CSDE1: variants seen among roughly 807,000 people sequenced by gnomAD.
The protein encoded by CSDE1 is cold shock domain-containing protein E1.
CSDE1 carries 17 observed loss-of-function variants against 89.3 expected under a neutral mutation model. The observed-to-expected ratio is 0.19, with a 90% CI of 0.13 to 0.29. The LOEUF (loss-of-function observed/expected upper bound fraction) is 0.29, where lower values mean the gene tolerates loss of function less well. Ranked by LOEUF, CSDE1 falls within the 10% of genes least tolerant of loss-of-function variation. The pLI is 1.00. For synonymous variants in CSDE1, 322 were observed against 332.8 expected (o/e 0.97, Z 0.35); for missense variants, 672 against 984.2 (o/e 0.68, Z 4.24).
At chr1:114,723,653 C>T (rs931193529) in intron 16 of CSDE1, among the ~76,000 whole-genome samples, 1 of 152,174 alleles carries the variant, frequency 6.6e-6, no homozygotes, top group African/African-American at 2.4e-5. Flanking sequence ...CATAGTTGCT[C>T]ATGTATCAGT....
At chr1:114,751,592 C>G (rs1175813662) in intron 1 of CSDE1, among the ~76,000 whole-genome samples, 1 of 152,064 alleles carries the variant, frequency 6.6e-6, no homozygotes, top group Non-Finnish European at 1.5e-5. Flanking sequence ...TCAAATGTTA[C>G]ATACACTTGT....
At chr1:114,735,522 C>A (rs889070388) in intron 6 of CSDE1, among the ~76,000 whole-genome samples, 3 of 152,168 alleles carry the variant, frequency 2.0e-5, no homozygotes, top group African/African-American at 7.2e-5. Context: ...AAGAAACTTA[C>A]CAGGTAAGGC....
intron 1 of CSDE1, among the ~76,000 whole-genome samples, chr1:114,753,655 G>C (rs936360746): frequency 3.3e-5 from 5 of 152,162 alleles, no homozygotes; most frequent in Admixed American, 2.0e-4. Flanking sequence ...GGTGGCTCTC[G>C]CTTGTAATCC....
intron 12 of CSDE1, among the ~76,000 whole-genome samples, chr1:114,728,700 A>C (rs1313264773): frequency 6.6e-6 from 1 of 152,226 alleles, no homozygotes; most frequent in African/African-American, 2.4e-5. Context: ...CATCTGTCAC[A>C]TGCGAAATTC....
At chr1:114,733,910 A>C in intron 8 of CSDE1, 53 bp from the exon 9 acceptor site, 2 of 1,607,996 alleles carry the variant, frequency 1.2e-6, no homozygotes, top group Non-Finnish European at 1.7e-6. Context: ...GAAGAATCAC[A>C]TAATTTTAAG....
At chr1:114,730,853 C>A (rs1409713693) in intron 10 of CSDE1, among the ~76,000 whole-genome samples, 1 of 152,228 alleles carries the variant, frequency 6.6e-6, no homozygotes, top group South Asian at 2.1e-4. Context: ...CTAAGACTCT[C>A]CAATTGCTAC....
intron 14 of CSDE1, among the ~76,000 whole-genome samples, chr1:114,725,789 C>T (rs959246639): frequency 1.3e-5 from 2 of 152,164 alleles, no homozygotes; most frequent in Non-Finnish European, 2.9e-5. Flanking sequence ...GTATGCACCA[C>T]CATGTCAGGC....
chr1:114,725,208 C>T lies in CSDE1; in HGVS notation c.1753+13G>A. 1.9e-6 allele frequency: 3 copies of T among 1,607,914 alleles called. No individual in the cohort carries two copies. The highest frequency in any genetic ancestry group is 2.6e-6 in the Non-Finnish European group (3 of 1,174,336). ...TAAAAGCACAGGCTGAATAAGAAGT[C>T]ACAATTTATTACCTGAGTGTGTTTT... On this transcript the variant is annotated intron_variant, in intron 15 of 19. Coordinates refer to ENST00000358528, the MANE Select transcript of CSDE1 (RefSeq NM_001007553.3).
At chr1:114,727,737 T>C (rs1425930350) in intron 12 of CSDE1, 1 of 152,170 alleles carries the variant, frequency 6.6e-6, no homozygotes, top group African/African-American at 2.4e-5. Flanking sequence ...CTGAAGGTAG[T>C]GGGTTATCTC....
intron 1 of CSDE1, among the ~76,000 whole-genome samples, chr1:114,755,457 A>G (rs1661540939): frequency 6.6e-6 from 1 of 152,246 alleles, no homozygotes; most frequent in Non-Finnish European, 1.5e-5. Flanking sequence ...GGAAACTGAT[A>G]ATTTTCAGCC....
At position 114,734,067 on chromosome 1, in the gene CSDE1, A is replaced by G. The variant is rs771748755; in HGVS notation, c.633T>C (p.Phe211=). The G allele has an allele frequency of 2.5e-6, 4 of 1,613,048 alleles. No homozygotes were observed. In the African/African-American group the frequency reaches 5.3e-5, roughly 22 times the overall value. ...AGTCACCCTTAAATTCACTATAGTG[A>G]AAGAATATCTCTTTTACAACATCAC... ...ERGDVVKEIF[F]HYSEFKGDLE... The change falls in exon 8 of 20, where the codon TTT becomes TTC. Residue 211 remains phenylalanine, a synonymous_variant. Coordinates refer to ENST00000358528, the MANE Select transcript of CSDE1 (RefSeq NM_001007553.3).
rs1659287328 is a variant in CSDE1 at position 114,718,079 on chromosome 1, G to C, written c.*90C>G. ...AATAGAATAAGTATTCCAGATTTCGGGAGGGATGAAGAGGGAGATATTCAG... is the reference window on the plus strand; with the variant it reads ...AATAGAATAAGTATTCCAGATTTCGCGAGGGATGAAGAGGGAGATATTCAG... On this transcript the variant is annotated 3_prime_UTR_variant, in exon 20 of 20. Coordinates refer to ENST00000358528, the MANE Select transcript of CSDE1 (RefSeq NM_001007553.3). The C allele has an allele frequency of 3.0e-6, 4 of 1,317,934 alleles. No homozygotes were observed. The highest frequency in any genetic ancestry group is 3.3e-6 in the Non-Finnish European group (3 of 915,454). 81.6% of individuals were successfully genotyped at this position (1,317,934 alleles called of 1,614,324 possible).
In CSDE1 at chr1:114,730,303, A is replaced by T. The variant is rs890530320; in HGVS notation, c.1311T>A (p.Thr437=). The T allele has an allele frequency of 1.2e-6, 2 of 1,614,138 alleles. No individual in the cohort carries two copies. The highest frequency in any genetic ancestry group is 1.1e-5 in the South Asian group (1 of 91,072). Residue 437 remains threonine, a synonymous_variant, in exon 12 of 20, where the codon ACT becomes ACA. Transcript: ENST00000358528. ...RFLGTVEKEA[T]FSNPKTTSPN... is the part of the protein sequence containing the mutation. Reference sequence around the variant, plus strand: ...GGCTAGTGGTTTTAGGATTGGAAAAAGTGGCTTCTTTTTCTACCGTGCCCA... The same window carrying T: ...GGCTAGTGGTTTTAGGATTGGAAAATGTGGCTTCTTTTTCTACCGTGCCCA...
chr1:114,723,166 A>G (rs1659618003), intron 16 of CSDE1, among the ~76,000 whole-genome samples: 1 of 152,144 alleles, frequency 6.6e-6, no homozygotes, highest in African/African-American at 2.4e-5. Flanking sequence ...CTACCAAGCC[A>G]TCATCTTTGG....
chr1:114,722,721 G>A (rs1464012057), intron 16 of CSDE1, among the ~76,000 whole-genome samples: 4 of 152,200 alleles, frequency 2.6e-5, no homozygotes, highest in Non-Finnish European at 4.4e-5. Context: ...GGAGATGGAA[G>A]GGCAATTTGA....
intron 12 of CSDE1, among the ~76,000 whole-genome samples, chr1:114,728,732 G>A (rs796356274): frequency 6.6e-6 from 1 of 152,142 alleles, no homozygotes; most frequent in Non-Finnish European, 1.5e-5. Context: ...TAGGTACTTC[G>A]AGGGCTTTTT....
At chr1:114,721,772 G>T (rs978630905) in intron 16 of CSDE1, among the ~76,000 whole-genome samples, 1 of 152,054 alleles carries the variant, frequency 6.6e-6, no homozygotes, top group African/African-American at 2.4e-5. Context: ...TTTTTGTAGA[G>T]ACAGGGTTTT....
intron 3 of CSDE1, among the ~76,000 whole-genome samples, chr1:114,738,653 T>C (rs1282045039): frequency 6.8e-6 from 1 of 146,496 alleles, no homozygotes; most frequent in Non-Finnish European, 1.5e-5. Flanking sequence ...ACACTTCACA[T>C]GTAAAAACTT....
chr1:114,733,921 T>C, intron 8 of CSDE1, 64 bp from the exon 9 acceptor site: 2 of 1,607,062 alleles, frequency 1.2e-6, no homozygotes, highest in Non-Finnish European at 8.5e-7. Context: ...TAATTTTAAG[T>C]GTTTCTTAAA....
Sources: allele counts gnomAD v4.1 joint callset (sites outside exome capture counted in the v4.1 genomes callset), GRCh38; gene constraint gnomAD v4.1.1; transcripts MANE v1.5; gene names NCBI Gene and HGNC (gene_info 2026-07-23, HGNC 2026-07-21).